Variants in PGAP1 observed in about 807,000 individuals in gnomAD.
PGAP1 encodes post-GPI attachment to proteins inositol deacylase 1.
Under a neutral mutation model 127.0 loss-of-function variants are expected in PGAP1, and 76 were observed. The ratio of observed to expected loss-of-function variants is 0.60; its 90% CI spans 0.50 to 0.72. The LOEUF (loss-of-function observed/expected upper bound fraction) is 0.72, where lower values mean the gene tolerates loss of function less well. Among genes scored for constraint, PGAP1 ranks in the 30% least tolerant of loss-of-function variants. The probability of loss-of-function intolerance (pLI) is 0.00; values close to 1 mark genes in which losing one functional copy is unlikely to be tolerated. For synonymous variants in PGAP1, 362 were observed against 366.5 expected (o/e 0.99, Z 0.14); for missense variants, 982 against 1,071.3 (o/e 0.92, Z 1.16).
intron 12 of PGAP1, among the ~76,000 whole-genome samples, chr2:196,881,383 C>T (rs1305740673): frequency 6.6e-6 from 1 of 152,172 alleles, no homozygotes; most frequent in African/African-American, 2.4e-5. Context: ...GGTATACACC[C>T]AGTAATGGGA....
intron 7 of PGAP1, among the ~76,000 whole-genome samples, chr2:196,896,405 C>T (rs934021703): frequency 1.3e-5 from 2 of 151,586 alleles, no homozygotes; most frequent in Non-Finnish European, 2.9e-5. Flanking sequence ...TCACTTGAGC[C>T]CAGGAATTTG....
chr2:196,897,257 A>T lies in PGAP1; in HGVS notation c.861-60T>A, dbSNP rs374797647. 37 of 1,017,180 alleles carry T rather than the reference A, an allele frequency of 3.6e-5. No individual in the cohort carries two copies. In the East Asian group the frequency reaches 7.7e-4, roughly 21 times the overall value. 63.0% of individuals were successfully genotyped at this position (1,017,180 alleles called of 1,614,324 possible). A position where few individuals can be genotyped will look rare whatever the true frequency, so the allele number is the denominator to read the frequency against. On this transcript the variant is annotated intron_variant, in intron 6 of 26. Coordinates refer to ENST00000354764, the MANE Select transcript of PGAP1 (RefSeq NM_024989.4). ...TCTTAAAACATATACTTTTGATCAA[A>T]ATATGCACAATTCTATTGTTTAGTG...
intron 13 of PGAP1, among the ~76,000 whole-genome samples, chr2:196,878,794 T>G (rs1701641217): frequency 6.6e-6 from 1 of 152,202 alleles, no homozygotes; most frequent in African/African-American, 2.4e-5. Flanking sequence ...TTCAAAATTA[T>G]TATTTACTTA....
chr2:196,889,344 T>C (rs1702022146), intron 10 of PGAP1, among the ~76,000 whole-genome samples: 1 of 152,290 alleles, frequency 6.6e-6, no homozygotes, highest in Middle Eastern at 3.4e-3. Flanking sequence ...ATAGTACCCA[T>C]TAGCATCCAG....
chr2:196,834,987 A>G lies in PGAP1; in HGVS notation c.*6247T>C, dbSNP rs1401620013. The G allele has an allele frequency of 1.3e-5, 2 of 152,078 alleles. No homozygotes were observed. Among genetic ancestry groups the G allele is most frequent in the Non-Finnish European group, 2.9e-5 (2 of 67,890 alleles). 9.4% of individuals were successfully genotyped at this position (152,078 alleles called of 1,614,324 possible). ...TCCTTACTTCCAAGGCTATTTATGC[A>G]AACTGCATCAACATTACTGGGCAGA... On this transcript the variant is annotated 3_prime_UTR_variant, in exon 27 of 27. Transcript: ENST00000354764.
chr2:196,842,600 C>A, intron 26 of PGAP1, 121 bp downstream of exon 26: 1 of 419,052 alleles, frequency 2.4e-6, no homozygotes. Flanking sequence ...AACCATAATA[C>A]TATTATGGCT....
At chr2:196,896,540 C>T (rs1702277207) in intron 7 of PGAP1, among the ~76,000 whole-genome samples, 1 of 151,766 alleles carries the variant, frequency 6.6e-6, no homozygotes, top group African/African-American at 2.4e-5. Flanking sequence ...GAAGTATTTC[C>T]CCTACACTTA....
chr2:196,890,985 A>G, intron 9 of PGAP1, 74 bp from the exon 10 acceptor site: 1 of 734,964 alleles, frequency 1.4e-6, no homozygotes, highest in Non-Finnish European at 2.4e-6. Context: ...ATCCAGATAT[A>G]GCAAATGAGT....
At chr2:196,918,957 T>C (rs1293392208) in intron 2 of PGAP1, among the ~76,000 whole-genome samples, 1 of 152,232 alleles carries the variant, frequency 6.6e-6, no homozygotes, top group Non-Finnish European at 1.5e-5. Context: ...TTTCCACAGC[T>C]TATATGATAT....
chr2:196,840,211 A>G lies in PGAP1; in HGVS notation c.*1023T>C, dbSNP rs1268692786. 1.3e-5 allele frequency: 2 copies of G among 152,208 alleles called. No homozygotes were observed. The highest frequency in any genetic ancestry group is 1.3e-4 in the Admixed American group (2 of 15,274). The allele number at this position is 152,208 out of a possible 1,614,324, so 9.4% of individuals were successfully genotyped here. On this transcript the variant is annotated 3_prime_UTR_variant, in exon 27 of 27. Transcript: ENST00000354764. Reference sequence around the variant, plus strand: ...CAGGTGTACTGTTTATACTCATGCTACTAATGGGTTAACAGTTGTCTACTG... The same window carrying G: ...CAGGTGTACTGTTTATACTCATGCTGCTAATGGGTTAACAGTTGTCTACTG...
rs1001131900 is a variant in PGAP1, at chr2:196,838,400, T to C, written c.*2834A>G. On this transcript the variant is annotated 3_prime_UTR_variant, in exon 27 of 27. Transcript: ENST00000354764. ...GATTGTGGGCATGATGAAAACTGTG[T>C]AATTTAAAGGCAAAGAACTTTCCTT... 17 of 152,322 alleles carry C rather than the reference T, an allele frequency of 1.1e-4. No homozygotes were observed. The highest frequency in any genetic ancestry group is 4.1e-4 in the African/African-American group (17 of 41,570). 9.4% of individuals were successfully genotyped at this position (152,322 alleles called of 1,614,324 possible).
chr2:196,915,406 T>C (rs1274063813), intron 3 of PGAP1, among the ~76,000 whole-genome samples: 1 of 152,192 alleles, frequency 6.6e-6, no homozygotes, highest in African/African-American at 2.4e-5. Flanking sequence ...ACTCCACCTG[T>C]ACAGTAGCAT....
chr2:196,895,530 T>C (rs1702244338), intron 7 of PGAP1, among the ~76,000 whole-genome samples: 2 of 152,232 alleles, frequency 1.3e-5, no homozygotes, highest in Admixed American at 1.3e-4. Context: ...ATGTTTGTGT[T>C]GCATGACCAA....
intron 20 of PGAP1, among the ~76,000 whole-genome samples, chr2:196,861,582 T>C (rs959134884): frequency 6.6e-6 from 1 of 152,110 alleles, no homozygotes; most frequent in Non-Finnish European, 1.5e-5. Context: ...ACGCCTGTAA[T>C]CCCAGCACTT....
At chr2:196,849,894 T>C (rs1016339432) in intron 20 of PGAP1, among the ~76,000 whole-genome samples, 2 of 152,206 alleles carry the variant, frequency 1.3e-5, no homozygotes, top group Non-Finnish European at 2.9e-5. Flanking sequence ...GTTTTGTCCA[T>C]TGTACTACAG....
At position 196,873,016 on chromosome 2, in the gene PGAP1, G is replaced by C; in HGVS notation, c.1563C>G (p.Thr521=). The C allele has an allele frequency of 1.1e-6, 1 of 917,260 alleles. No individual in the cohort carries two copies. The highest frequency in any genetic ancestry group is 1.7e-6 in the Non-Finnish European group (1 of 596,008). 56.8% of individuals were successfully genotyped at this position (917,260 alleles called of 1,614,324 possible). ...SKCSAVKEEI[T]SIYRLHIPWS... ...AAGGAATATGAAGTCTATAGATACT[G>C]GTTATTTCTTCTGTTAAAACATTTA... The change falls in exon 17 of 27, where the codon ACC becomes ACG. Residue 521 remains threonine, a synonymous_variant. Transcript: ENST00000354764.
intron 20 of PGAP1, 115 bp from the exon 21 acceptor site, chr2:196,848,152 A>G (rs1700612434): frequency 7.3e-6 from 4 of 548,808 alleles, no homozygotes; most frequent in Non-Finnish European, 1.2e-5. Context: ...AAGGGTCTTC[A>G]TTACTATCAC....
intron 24 of PGAP1, 56 bp from the exon 25 acceptor site, chr2:196,844,131 T>C (rs1700493757): frequency 5.8e-6 from 6 of 1,042,950 alleles, no homozygotes; most frequent in South Asian, 2.7e-5. Flanking sequence ...TATTACTTTA[T>C]TTAGAATCAT....
chr2:196,860,460 G>A (rs1285344300), intron 20 of PGAP1, among the ~76,000 whole-genome samples: 1 of 152,092 alleles, frequency 6.6e-6, no homozygotes, highest in Non-Finnish European at 1.5e-5. Flanking sequence ...CTTCAACCTG[G>A]GAGGCAGAGT....
Sources: allele counts gnomAD v4.1 joint callset (sites outside exome capture counted in the v4.1 genomes callset), GRCh38; gene constraint gnomAD v4.1.1; transcripts MANE v1.5; gene names NCBI Gene and HGNC (gene_info 2026-07-23, HGNC 2026-07-21).